NHSL1: variants seen among roughly 807,000 people sequenced by gnomAD.
NHSL1 encodes the protein NHS like 1.
A neutral mutation model predicts 95.0 loss-of-function variants in NHSL1; 48 were observed. The ratio of observed to expected loss-of-function variants is 0.51; its 90% CI spans 0.40 to 0.64. The LOEUF (loss-of-function observed/expected upper bound fraction) is 0.64. NHSL1 is among the 30% of genes least tolerant of loss of function. The pLI is 0.00. For missense variants in NHSL1, 1,971 were observed against 2,077.7 expected (o/e 0.95, Z 1.00); for synonymous variants, 783 against 833.9 (o/e 0.94, Z 1.05).
chr6:138,647,258 T>C (rs532929030), intron 1 of NHSL1, among the ~76,000 whole-genome samples: 3 of 152,326 alleles, frequency 2.0e-5, no homozygotes, highest in South Asian at 4.1e-4. Context: ...GGAGGCATCA[T>C]GCCAAGAAAG....
chr6:138,452,444 AG>A, intron 3 of NHSL1, among the ~76,000 whole-genome samples: 1 of 151,520 alleles, frequency 6.6e-6, no homozygotes, highest in East Asian at 1.9e-4. Flanking sequence ...AGATTAATTC[AG>A]TCTTTTTTGT....
intron 1 of NHSL1, among the ~76,000 whole-genome samples, chr6:138,645,077 A>G (rs6570248): frequency 0.32 from 48,029 of 152,088 alleles, 8,016 homozygotes; most frequent in African/African-American, 0.42. Context: ...ACCATAAAAG[A>G]CAAAATAAGT....
chr6:138,496,793 G>C (rs182289963), intron 1 of NHSL1, among the ~76,000 whole-genome samples: 2 of 152,302 alleles, frequency 1.3e-5, no homozygotes, highest in East Asian at 3.9e-4. Flanking sequence ...TGATAGAAAT[G>C]AATTTCCTAC....
intron 3 of NHSL1, among the ~76,000 whole-genome samples, chr6:138,454,287 C>T (rs1459018397): frequency 1.3e-5 from 2 of 152,200 alleles, no homozygotes; most frequent in East Asian, 1.9e-4. Flanking sequence ...TTCTAAGACA[C>T]ATCCATGTAG....
chr6:138,588,602 G>A (rs1414810970), intron 1 of NHSL1, among the ~76,000 whole-genome samples: 2 of 152,214 alleles, frequency 1.3e-5, no homozygotes, highest in Non-Finnish European at 2.9e-5. Flanking sequence ...CCACTGACTT[G>A]AATCACCAGA....
intron 1 of NHSL1, among the ~76,000 whole-genome samples, chr6:138,669,683 A>T (rs1368753251): frequency 6.6e-6 from 1 of 152,184 alleles, no homozygotes; most frequent in African/African-American, 2.4e-5. Flanking sequence ...AGAGGAAGTA[A>T]GTAAAAAGAT....
At position 138,460,260 on chromosome 6, in the gene NHSL1, A is replaced by G. The variant is rs998433969; in HGVS notation, c.339+13046T>C. On this transcript the variant is annotated intron_variant, in intron 3 of 7. Transcript: ENST00000343505. ...TTTTTATGGTAATCACTCTGATAAAATATTTCCTCTTTTCTAGGGTCAGTT... is the reference window on the plus strand; with the variant it reads ...TTTTTATGGTAATCACTCTGATAAAGTATTTCCTCTTTTCTAGGGTCAGTT... 1.1e-4 allele frequency among the ~76,000 whole-genome samples: 16 copies of G among 152,272 alleles called. No individual in the cohort carries two copies. The South Asian group carries it at 3.3e-3, about 32-fold the overall frequency.
chr6:138,665,430 T>C (rs1785281802), intron 1 of NHSL1, among the ~76,000 whole-genome samples: 1 of 152,170 alleles, frequency 6.6e-6, no homozygotes, highest in African/African-American at 2.4e-5. Flanking sequence ...CTTTACAACT[T>C]CTGTGGTCGG....
In NHSL1 at chr6:138,424,188, C is replaced by T. The variant is rs1775093974; in HGVS notation, c.4714G>A (p.Ala1572Thr). ...EGGLLCGEGP[A>T]ASLQPQAPGP... The stretch of plus-strand genomic sequence containing the variant: ...GGGGCCTGGGGCTGCAGGGAGGCGG[C>T]AGGCCCCTCCCCACAGAGCAGGCCG... Residue 1572 changes from alanine (A) to threonine (T), a missense_variant, in exon 8 of 8, where the codon GCC becomes ACC. Coordinates refer to ENST00000343505, the MANE Select transcript of NHSL1 (RefSeq NM_001144060.2). This position sits in a 1 kb window ranked among gnomAD's most constrained non-coding sequence, Gnocchi z 5.9. The T allele has an allele frequency of 6.8e-7, 1 of 1,475,942 alleles. No individual in the cohort carries two copies. The highest frequency in any genetic ancestry group is 2.5e-5 in the East Asian group (1 of 40,302). 91.4% of individuals were successfully genotyped at this position (1,475,942 alleles called of 1,614,324 possible). A position where few individuals can be genotyped will look rare whatever the true frequency, so the allele number is the denominator to read the frequency against.
chr6:138,645,625 A>C (rs1401600475), intron 1 of NHSL1, among the ~76,000 whole-genome samples: 2 of 150,792 alleles, frequency 1.3e-5, no homozygotes, highest in African/African-American at 2.4e-5. Flanking sequence ...CTCCTGCCTC[A>C]GCCTTCCGAG....
intron 1 of NHSL1, among the ~76,000 whole-genome samples, chr6:138,689,090 C>T (rs1255569795): frequency 6.6e-6 from 1 of 152,168 alleles, no homozygotes; most frequent in Non-Finnish European, 1.5e-5. Context: ...ATCCTCCTTC[C>T]TCCCTAAGGT....
At chr6:138,448,879 C>A (rs1194253687) in intron 3 of NHSL1, among the ~76,000 whole-genome samples, 1 of 152,066 alleles carries the variant, frequency 6.6e-6, no homozygotes, top group East Asian at 1.9e-4. Context: ...ACAGAGAAAA[C>A]CTGTCTCTCC....
At chr6:138,545,381 C>G (rs971920346) in intron 1 of NHSL1, among the ~76,000 whole-genome samples, 1 of 152,166 alleles carries the variant, frequency 6.6e-6, no homozygotes, top group African/African-American at 2.4e-5. Context: ...AAAACACACA[C>G]AAAACACATT....
At chr6:138,506,509 T>C (rs1780970064) in intron 1 of NHSL1, among the ~76,000 whole-genome samples, 1 of 152,208 alleles carries the variant, frequency 6.6e-6, no homozygotes, top group Non-Finnish European at 1.5e-5. Flanking sequence ...TAAAGTTGAA[T>C]TCCAGATAGA....
intron 3 of NHSL1, among the ~76,000 whole-genome samples, chr6:138,450,645 C>G (rs1488867107): frequency 6.6e-6 from 1 of 152,228 alleles, no homozygotes; most frequent in African/African-American, 2.4e-5. Context: ...CACCACAGAT[C>G]ACTCCAGCAT....
In NHSL1 at chr6:138,484,839, T is replaced by C. The variant is rs151031432; in HGVS notation, c.211+11380A>G. 6.7e-4 allele frequency among the ~76,000 whole-genome samples: 102 copies of C among 152,366 alleles called. 1 individual carries two copies. Among genetic ancestry groups the C allele is most frequent in the African/African-American group, 2.4e-3 (101 of 41,600 alleles). On this transcript the variant is annotated intron_variant, in intron 2 of 7. Transcript: ENST00000343505. ...GATAAACTGTCTGTTAGCTTTGTTT[T>C]TCATTGCACACCATGGCAAGAATTA...
At chr6:138,488,317 G>A (rs555904010) in intron 2 of NHSL1, among the ~76,000 whole-genome samples, 1 of 152,138 alleles carries the variant, frequency 6.6e-6, no homozygotes, top group South Asian at 2.1e-4. Flanking sequence ...AGAGACATCT[G>A]ACCTTCACCT....
chr6:138,559,623 C>T (rs955640103), intron 1 of NHSL1, among the ~76,000 whole-genome samples: 1 of 152,114 alleles, frequency 6.6e-6, no homozygotes, highest in Admixed American at 6.6e-5. Context: ...GGACTATCTA[C>T]AGAAATTCCA....
At chr6:138,530,117 G>A (rs1048401092) in intron 1 of NHSL1, among the ~76,000 whole-genome samples, 1 of 152,184 alleles carries the variant, frequency 6.6e-6, no homozygotes, top group Admixed American at 6.5e-5. Flanking sequence ...CAATGTGATG[G>A]TATTAGGAGG....
Sources: gnomAD v4.1 joint callset for allele counts (sites outside exome capture counted in the v4.1 genomes callset) on GRCh38, gnomAD v4.1.1 for gene constraint, Gnocchi (gnomAD v3.1) non-coding constraint, MANE v1.5 for transcripts, NCBI Gene and HGNC (gene_info 2026-07-23, HGNC 2026-07-21) for gene names.